Variants in SEL1L observed in about 807,000 individuals in gnomAD.
SEL1L encodes the protein SEL1L adaptor subunit of SYVN1 ubiquitin ligase.
SEL1L carries 52 observed loss-of-function variants against 109.8 expected under a neutral mutation model. That is an observed-to-expected ratio of 0.47 (90% CI 0.38 to 0.60). The LOEUF (loss-of-function observed/expected upper bound fraction) is 0.60, where lower values mean the gene tolerates loss of function less well. Among genes scored for constraint, SEL1L ranks in the 20% least tolerant of loss-of-function variants. The pLI is 0.00. For synonymous variants in SEL1L, 373 were observed against 339.6 expected, an observed-to-expected ratio of 1.10 and a Z score of -1.08; for missense variants, 749 against 962.2, an observed-to-expected ratio of 0.78 and a Z score of 2.93.
intron 2 of SEL1L, 117 bp downstream of exon 2, chr14:81,527,584 T>C: frequency 1.5e-6 from 1 of 681,078 alleles, no homozygotes; most frequent in Non-Finnish European, 2.4e-6. Context: ...TCTTTTTCTG[T>C]CCTTTTTAAT....
chr14:81,481,616 T>C (rs1324591205), intron 19 of SEL1L, among the ~76,000 whole-genome samples: 1 of 152,168 alleles, frequency 6.6e-6, no homozygotes, highest in East Asian at 1.9e-4. Flanking sequence ...TTTTTCCAAT[T>C]ATAGTCAATC....
At position 81,484,215 on chromosome 14, in the gene SEL1L, CCA is replaced by C. The variant is rs1595503894; in HGVS notation, c.2046+8_2046+9del. On this transcript the variant is annotated splice_region_variant and intron_variant, in intron 19 of 20. Coordinates refer to ENST00000336735, the MANE Select transcript of SEL1L (RefSeq NM_005065.6). ...TATGTGATTCAAACGTGTTTGGAAG[CCA>C]CACTCACCTGTTTAATGCCCAGTCC... is the stretch of plus-strand genomic sequence containing the variant. 1 of 1,588,922 alleles carries C rather than the reference CCA, an allele frequency of 6.3e-7. No individual in the cohort carries two copies. Among genetic ancestry groups the C allele is most frequent in the African/African-American group, 1.3e-5 (1 of 74,734 alleles).
intron 3 of SEL1L, among the ~76,000 whole-genome samples, chr14:81,513,536 C>T (rs962400446): frequency 6.6e-6 from 1 of 152,138 alleles, no homozygotes; most frequent in African/African-American, 2.4e-5. Context: ...GACCAAGAAC[C>T]CACCAGAAGG....
intron 1 of SEL1L, among the ~76,000 whole-genome samples, chr14:81,533,194 G>C (rs1307037040): frequency 6.6e-6 from 1 of 152,168 alleles, no homozygotes; most frequent in Non-Finnish European, 1.5e-5. Flanking sequence ...TAAACAGACA[G>C]ACCAGGGACC....
At chr14:81,501,142 T>C (rs915849952) in intron 6 of SEL1L, among the ~76,000 whole-genome samples, 1 of 152,190 alleles carries the variant, frequency 6.6e-6, no homozygotes, top group African/African-American at 2.4e-5. Flanking sequence ...TAGCAATCAG[T>C]GTAGCTACAT....
At chr14:81,531,228 T>C (rs766370818) in intron 1 of SEL1L, among the ~76,000 whole-genome samples, 8 of 152,224 alleles carry the variant, frequency 5.3e-5, no homozygotes, top group Non-Finnish European at 7.3e-5. Context: ...AGGGCCACCA[T>C]CTTACATGGG....
At chr14:81,525,086 G>A (rs1451793675) in intron 3 of SEL1L, among the ~76,000 whole-genome samples, 1 of 152,180 alleles carries the variant, frequency 6.6e-6, no homozygotes, top group Non-Finnish European at 1.5e-5. Flanking sequence ...GAGACACAGA[G>A]ATGTAAAAGC....
chr14:81,529,094 T>G (rs1394427312), intron 1 of SEL1L, among the ~76,000 whole-genome samples: 1 of 152,170 alleles, frequency 6.6e-6, no homozygotes, highest in Non-Finnish European at 1.5e-5. Flanking sequence ...TATGTTTTAC[T>G]TCTGGCAGGT....
chr14:81,494,886 G>A (rs1043569271), intron 11 of SEL1L, among the ~76,000 whole-genome samples, 195 bp downstream of exon 11: 6 of 152,340 alleles, frequency 3.9e-5, no homozygotes, highest in African/African-American at 1.4e-4. Context: ...ATGCCTAGCA[G>A]TGAATGGCAC....
chr14:81,514,602 G>A (rs1433556379), intron 3 of SEL1L, among the ~76,000 whole-genome samples: 1 of 152,180 alleles, frequency 6.6e-6, no homozygotes, highest in Admixed American at 6.5e-5. Flanking sequence ...GGTCTAGGAG[G>A]AAAACTAGTG....
chr14:81,528,336 T>C (rs1595539373), intron 1 of SEL1L, among the ~76,000 whole-genome samples: 1 of 152,182 alleles, frequency 6.6e-6, no homozygotes, highest in East Asian at 1.9e-4. Context: ...GGTCCTATCA[T>C]ATATTCACTC....
intron 10 of SEL1L, among the ~76,000 whole-genome samples, chr14:81,495,366 C>T (rs1045369897): frequency 3.3e-5 from 5 of 152,182 alleles, no homozygotes; most frequent in African/African-American, 9.7e-5. Context: ...CGGCCAGGTG[C>T]GGTGGCTCAC....
intron 17 of SEL1L, 25 bp from the exon 18 acceptor site, chr14:81,485,771 A>G (rs754682709): frequency 1.9e-6 from 3 of 1,603,252 alleles, no homozygotes; most frequent in Admixed American, 1.7e-5. Flanking sequence ...ATGAAATACA[A>G]ATCAGGCATT....
chr14:81,530,327 T>C (rs991827333), intron 1 of SEL1L, among the ~76,000 whole-genome samples: 1 of 152,152 alleles, frequency 6.6e-6, no homozygotes, highest in African/African-American at 2.4e-5. Flanking sequence ...CCTGGCTTCA[T>C]CACATGTTAA....
intron 6 of SEL1L, among the ~76,000 whole-genome samples, chr14:81,500,580 T>C (rs1422643255): frequency 6.6e-6 from 1 of 152,168 alleles, no homozygotes; most frequent in Non-Finnish European, 1.5e-5. Flanking sequence ...TGAGGACAAT[T>C]TAATACTAAC....
At chr14:81,512,895 T>C (rs1884544582) in intron 3 of SEL1L, among the ~76,000 whole-genome samples, 3 of 152,216 alleles carry the variant, frequency 2.0e-5, no homozygotes, top group African/African-American at 2.4e-5. Context: ...GCCTGACTAG[T>C]TATCTTTTGA....
chr14:81,532,131 C>G (rs1188201010), intron 1 of SEL1L, among the ~76,000 whole-genome samples: 1 of 152,194 alleles, frequency 6.6e-6, no homozygotes. Context: ...GCATGGAGCT[C>G]TAAGTATATA....
rs1046491779 is a variant in SEL1L, at chr14:81,475,448, C to T, written c.*1524G>A. The T allele has an allele frequency of 1.3e-5, 2 of 152,492 alleles. No individual in the cohort carries two copies. The highest frequency in any genetic ancestry group is 2.9e-5 in the Non-Finnish European group (2 of 68,028). 9.4% of individuals were successfully genotyped at this position (152,492 alleles called of 1,614,324 possible). ...TTAAATCTAGTTCTAACTACTACCC[C>T]AACTTCAAAAATCAAAGCAGTACAA... On this transcript the variant is annotated 3_prime_UTR_variant, in exon 21 of 21. Transcript: ENST00000336735.
chr14:81,487,990 A>C (rs1478922965), intron 14 of SEL1L, 48 bp from the exon 15 acceptor site: 11 of 1,384,888 alleles, frequency 7.9e-6, no homozygotes, highest in African/African-American at 1.4e-5. Context: ...AGGCAGACAT[A>C]CTCAAAAGTT....
Sources: allele counts gnomAD v4.1 joint callset (sites outside exome capture counted in the v4.1 genomes callset), GRCh38; gene constraint gnomAD v4.1.1; transcripts MANE v1.5; gene names NCBI Gene and HGNC (gene_info 2026-07-23, HGNC 2026-07-21).